The following EPHA3 variants were observed in gnomAD, a reference collection of about 807,000 sequenced individuals.
EPHA3 encodes EPH receptor A3, also known as ephrin type-A receptor 3.
Under a neutral mutation model 107.1 loss-of-function variants are expected in EPHA3, and 42 were observed. That is an observed-to-expected ratio of 0.39 (90% CI 0.31 to 0.51). The LOEUF is 0.51. Ranked by LOEUF, EPHA3 falls within the 20% of genes least tolerant of loss-of-function variation. The pLI is 0.78. For missense variants in EPHA3, 1,183 were observed against 1,211.2 expected (o/e 0.98, Z 0.35); for synonymous variants, 461 against 424.8 (o/e 1.09, Z -1.05).
At chr3:89,410,843 G>C (rs1453953413) in intron 9 of EPHA3, among the ~76,000 whole-genome samples, 1 of 151,686 alleles carries the variant, frequency 6.6e-6, no homozygotes, top group Non-Finnish European at 1.5e-5. Context: ...AAAGGTAAAG[G>C]GTTTTAGTAC....
intron 2 of EPHA3, among the ~76,000 whole-genome samples, chr3:89,174,228 G>A (rs538404046): frequency 6.6e-6 from 1 of 152,122 alleles, no homozygotes; most frequent in South Asian, 2.1e-4. Flanking sequence ...AGGTTTCCGT[G>A]ATACTAGGTG....
At chr3:89,169,260 T>C (rs1313382052) in intron 2 of EPHA3, among the ~76,000 whole-genome samples, 3 of 152,172 alleles carry the variant, frequency 2.0e-5, no homozygotes, top group African/African-American at 7.2e-5. Context: ...TTTCTAATTT[T>C]AAAAGGTTAG....
chr3:89,375,984 C>G (rs1189632599), intron 5 of EPHA3, among the ~76,000 whole-genome samples: 1 of 151,928 alleles, frequency 6.6e-6, no homozygotes, highest in Non-Finnish European at 1.5e-5. Context: ...ACTACTTTAA[C>G]CTTCACACCT....
intron 5 of EPHA3, among the ~76,000 whole-genome samples, chr3:89,343,837 A>G (rs567930527): frequency 6.6e-6 from 1 of 152,286 alleles, no homozygotes; most frequent in South Asian, 2.1e-4. Flanking sequence ...TAGATCCCAG[A>G]CCAACCAGTA....
intron 11 of EPHA3, among the ~76,000 whole-genome samples, chr3:89,425,851 G>C (rs1709445289): frequency 6.6e-6 from 1 of 151,466 alleles, no homozygotes; most frequent in Non-Finnish European, 1.5e-5. Flanking sequence ...TATTTCTTCT[G>C]TCATCAAGCG....
chr3:89,218,541 G>A (rs543334862), intron 3 of EPHA3, among the ~76,000 whole-genome samples: 5 of 151,772 alleles, frequency 3.3e-5, no homozygotes, highest in Non-Finnish European at 5.9e-5. Context: ...TATCATTGTT[G>A]GACATTTGGG....
intron 15 of EPHA3, among the ~76,000 whole-genome samples, chr3:89,472,087 C>T (rs910111573): frequency 6.6e-6 from 1 of 152,168 alleles, no homozygotes; most frequent in African/African-American, 2.4e-5. Context: ...CTGAATCCAT[C>T]ATCAAAGCAG....
intron 16 of EPHA3, among the ~76,000 whole-genome samples, chr3:89,474,283 G>A (rs1710463715): frequency 6.6e-6 from 1 of 152,148 alleles, no homozygotes; most frequent in South Asian, 2.1e-4. Flanking sequence ...ACTTACCCTA[G>A]TCAATTTAAC....
At chr3:89,251,666 A>G (rs1408990297) in intron 3 of EPHA3, among the ~76,000 whole-genome samples, 2 of 152,136 alleles carry the variant, frequency 1.3e-5, no homozygotes, top group African/African-American at 4.8e-5. Context: ...ATATTAAGTA[A>G]TCAAGTGCAA....
intron 2 of EPHA3, among the ~76,000 whole-genome samples, chr3:89,169,110 C>A (rs1705150808): frequency 6.6e-6 from 1 of 152,112 alleles, no homozygotes; most frequent in African/African-American, 2.4e-5. Context: ...AGCATCAGCC[C>A]ATTTAGGTCA....
At chr3:89,230,297 T>C (rs746076952) in intron 3 of EPHA3, among the ~76,000 whole-genome samples, 1 of 152,108 alleles carries the variant, frequency 6.6e-6, no homozygotes, top group African/African-American at 2.4e-5. Context: ...AGTTTTTGCC[T>C]AGGTGTATCA....
intron 3 of EPHA3, among the ~76,000 whole-genome samples, chr3:89,271,885 C>T (rs1705677521): frequency 6.6e-6 from 1 of 151,896 alleles, no homozygotes; most frequent in Middle Eastern, 3.4e-3. Flanking sequence ...ACCACTGTCA[C>T]CCTTGAGACA....
intron 3 of EPHA3, among the ~76,000 whole-genome samples, chr3:89,248,373 T>A (rs1020848581): frequency 6.6e-6 from 1 of 152,206 alleles, no homozygotes; most frequent in African/African-American, 2.4e-5. Flanking sequence ...CTCAGGGATT[T>A]ATCACTCTTG....
intron 2 of EPHA3, 152 bp from the exon 3 acceptor site, chr3:89,209,708 C>T (rs779621162): frequency 1.9e-5 from 12 of 626,128 alleles, no homozygotes; most frequent in South Asian, 3.0e-5. Flanking sequence ...TGTCCATTAA[C>T]TCAGAGAACC....
At chr3:89,248,106 C>G (rs1283512462) in intron 3 of EPHA3, among the ~76,000 whole-genome samples, 1 of 152,166 alleles carries the variant, frequency 6.6e-6, no homozygotes, top group East Asian at 1.9e-4. Context: ...TTTCCTTAAT[C>G]TAGACTAATA....
chr3:89,222,326 CATAT>C (rs34438291), intron 3 of EPHA3, among the ~76,000 whole-genome samples: 76,761 of 138,068 alleles, frequency 0.56, 21,926 homozygotes, highest in Non-Finnish European at 0.63. Context: ...AATACATATA[CATAT>C]ATATATATAT....
chr3:89,388,541 G>T (rs115052041), intron 5 of EPHA3, among the ~76,000 whole-genome samples: 1 of 152,144 alleles, frequency 6.6e-6, no homozygotes, highest in African/African-American at 2.4e-5. Context: ...GTGGAAAAGA[G>T]AGAGATCTAG....
chr3:89,482,089 A>T lies in EPHA3; in HGVS notation c.*2587A>T, dbSNP rs1260719348. On this transcript the variant is annotated 3_prime_UTR_variant, in exon 17 of 17. Coordinates refer to ENST00000336596, the MANE Select transcript of EPHA3 (RefSeq NM_005233.6). ...AAAATGATTTGTAGTGGAAACATTT[A>T]TATTTTTATAATAAACATAATGAAA... 4.8e-6 allele frequency: 1 copy of T among 210,046 alleles called. No homozygotes were observed. Among genetic ancestry groups the T allele is most frequent in the Non-Finnish European group, 9.7e-6 (1 of 103,018 alleles). 13.0% of individuals were successfully genotyped at this position (210,046 alleles called of 1,614,324 possible).
intron 2 of EPHA3, among the ~76,000 whole-genome samples, chr3:89,185,023 G>A (rs1705531444): frequency 2.0e-5 from 3 of 151,928 alleles, no homozygotes; most frequent in Admixed American, 1.3e-4. Context: ...GCTGTCTCTG[G>A]ATTATTTTTC....
Sources: gnomAD v4.1 joint callset for allele counts (sites outside exome capture counted in the v4.1 genomes callset) on GRCh38, gnomAD v4.1.1 for gene constraint, MANE v1.5 for transcripts, NCBI Gene and HGNC (gene_info 2026-07-23, HGNC 2026-07-21) for gene names.